PCDHB16: variants seen among roughly 807,000 people sequenced by gnomAD.
PCDHB16 encodes the protein protocadherin beta-16.
For synonymous variants in PCDHB16, 444 were observed against 436.5 expected (o/e 1.02, Z -0.21); for missense variants, 1,026 against 989.9 (o/e 1.04, Z -0.49).
rs782052675 is a variant in PCDHB16 at position 141,182,722 on chromosome 5, G to A, written c.163G>A (p.Gly55Arg). The A allele has an allele frequency of 1.9e-6, 3 of 1,611,566 alleles. No individual in the cohort carries two copies. The highest frequency in any genetic ancestry group is 2.2e-5 in the East Asian group (1 of 44,802). ...AAATCTAGGAAAAGACCTGGGGTTG[G>A]GGTTGACAGAGATGTCCACCCGCAA... is the stretch of plus-strand genomic sequence containing the variant. ...VANLGKDLGL[G>R]LTEMSTRKAR... is the part of the protein sequence containing the mutation. Residue 55 changes from glycine to arginine, a missense_variant, in exon 1 of 1, where the codon GGG becomes AGG. By Grantham distance (125) the Gly-to-Arg change is moderately radical. Coordinates refer to ENST00000609684, the MANE Select transcript of PCDHB16 (RefSeq NM_020957.4).
Position 141,185,142 on chromosome 5 carries a change from A to G in PCDHB16, c.*252A>G, listed in dbSNP as rs1238832668. On this transcript the variant is annotated 3_prime_UTR_variant, in exon 1 of 1. Transcript: ENST00000609684. ...CATATAGAATCCCAATTAACAAAATATACTTTATCTTCAAAGTTGATGTCA... is the reference window on the plus strand; with the variant it reads ...CATATAGAATCCCAATTAACAAAATGTACTTTATCTTCAAAGTTGATGTCA... 8 of 1,248,480 alleles carry G rather than the reference A, an allele frequency of 6.4e-6. No individual in the cohort carries two copies. Among genetic ancestry groups the G allele is most frequent in the Non-Finnish European group, 8.1e-6 (8 of 987,804 alleles). 77.3% of individuals were successfully genotyped at this position (1,248,480 alleles called of 1,614,324 possible). A position where few individuals can be genotyped will look rare whatever the true frequency, so the allele number is the denominator to read the frequency against.
Position 141,183,932 on chromosome 5 carries a change from T to G in PCDHB16, c.1373T>G (p.Leu458Arg). The change falls in exon 1 of 1, where the codon CTG becomes CGG. Residue 458 changes from leucine to arginine, a missense_variant. Coordinates refer to ENST00000609684, the MANE Select transcript of PCDHB16 (RefSeq NM_020957.4). ...ACTTTCACCCAAACCTCCTACACCC[T>G]GTTCGTCCGCGAGAACAACAGCCCC... The part of the protein sequence containing the change: ...APTFTQTSYT[L>R]FVRENNSPAL... 2.5e-6 allele frequency: 4 copies of G among 1,613,946 alleles called. No homozygotes were observed. The highest frequency in any genetic ancestry group is 1.7e-4 in the Middle Eastern group (1 of 6,032).
chr5:141,183,442 A>T lies in PCDHB16; in HGVS notation c.883A>T (p.Asn295Tyr), dbSNP rs782405878. ...SEDISKTLEVNPMTGEVRLRK... is the reference protein window; with the variant it reads ...SEDISKTLEVYPMTGEVRLRK... ...GGATATTAGTAAAACTTTGGAGGTAAATCCTATGACAGGGGAAGTTCGACT... is the reference window on the plus strand; with the variant it reads ...GGATATTAGTAAAACTTTGGAGGTATATCCTATGACAGGGGAAGTTCGACT... Residue 295 changes from asparagine (N) to tyrosine (Y), a missense_variant, in exon 1 of 1, where the codon AAT becomes TAT. Physicochemically the swap from Asn to Tyr is moderately radical, Grantham distance 143 (BLOSUM62 -2). Coordinates refer to ENST00000609684, the MANE Select transcript of PCDHB16 (RefSeq NM_020957.4). 3.0e-5 allele frequency: 48 copies of T among 1,614,024 alleles called. No individual in the cohort carries two copies. The Admixed American group carries it at 7.8e-4, about 26-fold the overall frequency.
chr5:141,183,345 C>T lies in PCDHB16; in HGVS notation c.786C>T (p.Ala262=), dbSNP rs1284235598. Residue 262 remains alanine, a synonymous_variant, in exon 1 of 1, where the codon GCC becomes GCT. Transcript: ENST00000609684. The part of the protein sequence containing the change: ...PENSPLGSLV[A]TVSARDLDGG... ...ACAGTCCTCTTGGCTCCCTGGTTGCCACCGTCTCCGCCAGGGATTTAGACG... is the reference window on the plus strand; with the variant it reads ...ACAGTCCTCTTGGCTCCCTGGTTGCTACCGTCTCCGCCAGGGATTTAGACG... The T allele has an allele frequency of 1.2e-6, 2 of 1,614,182 alleles. No individual in the cohort carries two copies. The highest frequency in any genetic ancestry group is 1.7e-6 in the Non-Finnish European group (2 of 1,180,044).
chr5:141,182,426 A>G lies in PCDHB16; in HGVS notation c.-134A>G. ...GGAAGCAGAAGAATAGCTGAGCCAG[A>G]GCGAACGTGAGTGTGAAACCTCTTT... is the stretch of plus-strand genomic sequence containing the variant. On this transcript the variant is annotated 5_prime_UTR_variant, in exon 1 of 1. Transcript: ENST00000609684. 2.9e-6 allele frequency: 2 copies of G among 696,820 alleles called. No individual in the cohort carries two copies. Among genetic ancestry groups the G allele is most frequent in the Non-Finnish European group, 4.5e-6 (2 of 445,684 alleles). The allele number at this position is 696,820 out of a possible 1,614,324, so 43.2% of individuals were successfully genotyped here.
chr5:141,184,033 C>T lies in PCDHB16; in HGVS notation c.1474C>T (p.Pro492Ser). The T allele has an allele frequency of 1.9e-6, 3 of 1,604,130 alleles. No homozygotes were observed. The highest frequency in any genetic ancestry group is 1.7e-5 in the Admixed American group (1 of 59,228). The change falls in exon 1 of 1, where the codon CCG becomes TCG. Residue 492 changes from proline to serine, a missense_variant. Transcript: ENST00000609684. The stretch of plus-strand genomic sequence containing the variant: ...CGCCCAGGTCACCTACTCGCTGCTG[C>T]CGCCCCAAGACCCGCACCTGCCCCT... ...TNAQVTYSLL[P>S]PQDPHLPLAS... is the part of the protein sequence containing the mutation.
At position 141,183,651 on chromosome 5, in the gene PCDHB16, A is replaced by G; in HGVS notation, c.1092A>G (p.Val364=). The G allele has an allele frequency of 1.2e-6, 2 of 1,614,188 alleles. No individual in the cohort carries two copies. Among genetic ancestry groups the G allele is most frequent in the Non-Finnish European group, 1.7e-6 (2 of 1,180,036 alleles). The change falls in exon 1 of 1, where the codon GTA becomes GTG. Residue 364 remains valine (V), a synonymous_variant. Coordinates refer to ENST00000609684, the MANE Select transcript of PCDHB16 (RefSeq NM_020957.4). The part of the protein sequence containing the change: ...SPIPENSPEI[V]VAVFSVSDPD... Reference sequence around the variant, plus strand: ...TCCCAGAGAACTCGCCTGAGATAGTAGTTGCTGTTTTCAGCGTTTCAGATC... The same window carrying G: ...TCCCAGAGAACTCGCCTGAGATAGTGGTTGCTGTTTTCAGCGTTTCAGATC...
chr5:141,183,624 C>T lies in PCDHB16; in HGVS notation c.1065C>T (p.Pro355=). 1.2e-6 allele frequency: 2 copies of T among 1,614,186 alleles called. No individual in the cohort carries two copies. The highest frequency in any genetic ancestry group is 1.7e-6 in the Non-Finnish European group (2 of 1,180,040). ...TGACCATGTCTGCACTCACCAGCCC[C>T]ATCCCAGAGAACTCGCCTGAGATAG... The part of the protein sequence containing the change: ...PQVTMSALTS[P]IPENSPEIVV... The change falls in exon 1 of 1, where the codon CCC becomes CCT. Residue 355 remains proline, a synonymous_variant. Coordinates refer to ENST00000609684, the MANE Select transcript of PCDHB16 (RefSeq NM_020957.4).
Position 141,182,778 on chromosome 5 carries a change from G to T in PCDHB16, c.219G>T (p.Gln73His). 6.2e-7 allele frequency: 1 copy of T among 1,614,080 alleles called. No homozygotes were observed. Among genetic ancestry groups the T allele is most frequent in the South Asian group, 1.1e-5 (1 of 91,086 alleles). Residue 73 changes from glutamine to histidine, a missense_variant, in exon 1 of 1, where the codon CAG (glutamine) becomes CAT (histidine). Coordinates refer to ENST00000609684, the MANE Select transcript of PCDHB16 (RefSeq NM_020957.4). ...KARIISQGNK[Q>H]HLQLKAQTGD... ...GGATCATTTCCCAGGGGAACAAACAGCATTTGCAGCTCAAGGCTCAAACTG... is the reference window on the plus strand; with the variant it reads ...GGATCATTTCCCAGGGGAACAAACATCATTTGCAGCTCAAGGCTCAAACTG...
Position 141,184,877 on chromosome 5 carries a change from A to G in PCDHB16, c.2318A>G (p.Asn773Ser), listed in dbSNP as rs781801155. ...AAGTTCCTGAAGCCGATTATCCCCA[A>G]CTTCTCTCCTTAGGGCACTAGGAAA... is the stretch of plus-strand genomic sequence containing the variant. ...EFKFLKPIIP[N>S]FSP Residue 773 changes from asparagine to serine, a missense_variant, in exon 1 of 1, where the codon AAC becomes AGC. Transcript: ENST00000609684. 9.9e-6 allele frequency: 16 copies of G among 1,613,894 alleles called. No individual in the cohort carries two copies. The highest frequency in any genetic ancestry group is 1.7e-5 in the Admixed American group (1 of 59,988).
Position 141,186,174 on chromosome 5 carries a change from C to G in PCDHB16, c.*1284C>G. ...CTTGCTTATTATATGTAAAGTTGAG[C>G]TTCTTTCTAGATATTAGGCCTTTGA... On this transcript the variant is annotated 3_prime_UTR_variant, in exon 1 of 1. Coordinates refer to ENST00000609684, the MANE Select transcript of PCDHB16 (RefSeq NM_020957.4). The G allele has an allele frequency of 1.0e-6, 1 of 993,078 alleles. No individual in the cohort carries two copies. Among genetic ancestry groups the G allele is most frequent in the Non-Finnish European group, 1.2e-6 (1 of 823,980 alleles). 61.5% of individuals were successfully genotyped at this position (993,078 alleles called of 1,614,324 possible).
chr5:141,185,744 A>C lies in PCDHB16; in HGVS notation c.*854A>C. 1.0e-6 allele frequency: 1 copy of C among 997,030 alleles called. No individual in the cohort carries two copies. The highest frequency in any genetic ancestry group is 1.2e-6 in the Non-Finnish European group (1 of 827,090). The allele number at this position is 997,030 out of a possible 1,614,324, so 61.8% of individuals were successfully genotyped here. On this transcript the variant is annotated 3_prime_UTR_variant, in exon 1 of 1. Transcript: ENST00000609684. ...ATTTTTTTGAGATGGAGTCTCGTAAAGTTACCTTTAAAAAAAAAGTTCTAT... is the reference window on the plus strand; with the variant it reads ...ATTTTTTTGAGATGGAGTCTCGTAACGTTACCTTTAAAAAAAAAGTTCTAT...
rs10060104 is a variant in PCDHB16, at chr5:141,185,019, C to T, written c.*129C>T. On this transcript the variant is annotated 3_prime_UTR_variant, in exon 1 of 1. Coordinates refer to ENST00000609684, the MANE Select transcript of PCDHB16 (RefSeq NM_020957.4). ...TCTTGTTGATTAAATTGTTCATGCT[C>T]ACCACCACCAATAAGGTATTTTTCT... 0.17 allele frequency: 245,975 copies of T among 1,459,750 alleles called. 22,108 individuals carry two copies. Among genetic ancestry groups the T allele is most frequent in the African/African-American group, 0.24 (17,050 of 70,056 alleles). 90.4% of individuals were successfully genotyped at this position (1,459,750 alleles called of 1,614,324 possible). A position where few individuals can be genotyped will look rare whatever the true frequency, so the allele number is the denominator to read the frequency against.
chr5:141,184,713 G>T lies in PCDHB16; in HGVS notation c.2154G>T (p.Arg718Ser). 1.2e-6 allele frequency: 2 copies of T among 1,612,512 alleles called. No homozygotes were observed. Among genetic ancestry groups the T allele is most frequent in the Non-Finnish European group, 1.7e-6 (2 of 1,178,876 alleles). Residue 718 changes from arginine (R) to serine (S), a missense_variant, in exon 1 of 1, where the codon AGG becomes AGT. Arg to Ser is a moderately radical substitution (Grantham distance 110). Transcript: ENST00000609684. ...CGGTGCGGCTGTGCAGGAGGAGCAG[G>T]GCGGCCTCGGTGGGCCGCTGCTCGA... ...FVAVRLCRRS[R>S]AASVGRCSMP...
Position 141,185,900 on chromosome 5 carries a change from G to C in PCDHB16, c.*1010G>C, listed in dbSNP as rs186171560. On this transcript the variant is annotated 3_prime_UTR_variant, in exon 1 of 1. Transcript: ENST00000609684. ...TAAGACATTCAGTATGTGTAAATGT[G>C]TTTGTGTTTGTAGACAAAAGGCAAA... 138 of 984,242 alleles carry C rather than the reference G, an allele frequency of 1.4e-4. No individual in the cohort carries two copies. The African/African-American group carries it at 2.1e-3, about 15-fold the overall frequency. 61.0% of individuals were successfully genotyped at this position (984,242 alleles called of 1,614,324 possible).
Position 141,183,264 on chromosome 5 carries a change from C to G in PCDHB16, c.705C>G (p.Ile235Met). ...TAQVRIEVVD[I>M]NDNAPEFEQP... ...AGGTCCGTATTGAAGTGGTGGACAT[C>G]AATGATAACGCTCCTGAGTTTGAGC... Residue 235 changes from isoleucine (I) to methionine (M), a missense_variant, in exon 1 of 1, where the codon ATC becomes ATG. Ile to Met is a conservative substitution (Grantham distance 10). Transcript: ENST00000609684. 1 of 1,614,170 alleles carries G rather than the reference C, an allele frequency of 6.2e-7. No individual in the cohort carries two copies. The highest frequency in any genetic ancestry group is 8.5e-7 in the Non-Finnish European group (1 of 1,180,040).
Position 141,183,281 on chromosome 5 carries a change from A to G in PCDHB16, c.722A>G (p.Glu241Gly), listed in dbSNP as rs1025993595. 8 of 1,614,032 alleles carry G rather than the reference A, an allele frequency of 5.0e-6. No individual in the cohort carries two copies. The African/African-American group carries it at 5.3e-5, about 11-fold the overall frequency. Residue 241 changes from glutamate to glycine, a missense_variant, in exon 1 of 1, where the codon GAG becomes GGG. Coordinates refer to ENST00000609684, the MANE Select transcript of PCDHB16 (RefSeq NM_020957.4). Reference protein sequence around the residue: ...EVVDINDNAPEFEQPIYKVQI... With the variant: ...EVVDINDNAPGFEQPIYKVQI... ...GTGGACATCAATGATAACGCTCCTG[A>G]GTTTGAGCAGCCCATCTACAAAGTG...
chr5:141,185,175 T>A lies in PCDHB16; in HGVS notation c.*285T>A. Reference sequence around the variant, plus strand: ...TCTTCAAAGTTGATGTCATTTAAAATTTTTCCGTCTTTATATTTTATTTAC... The same window carrying A: ...TCTTCAAAGTTGATGTCATTTAAAAATTTTCCGTCTTTATATTTTATTTAC... On this transcript the variant is annotated 3_prime_UTR_variant, in exon 1 of 1. Coordinates refer to ENST00000609684, the MANE Select transcript of PCDHB16 (RefSeq NM_020957.4). The A allele has an allele frequency of 3.5e-6, 4 of 1,134,976 alleles. No homozygotes were observed. Among genetic ancestry groups the A allele is most frequent in the Non-Finnish European group, 3.3e-6 (3 of 914,262 alleles). 70.3% of individuals were successfully genotyped at this position (1,134,976 alleles called of 1,614,324 possible). A position where few individuals can be genotyped will look rare whatever the true frequency, so the allele number is the denominator to read the frequency against.
rs1410724624 is a variant in PCDHB16 at position 141,184,581 on chromosome 5, A to T, written c.2022A>T (p.Pro674=). 7 of 1,612,404 alleles carry T rather than the reference A, an allele frequency of 4.3e-6. No individual in the cohort carries two copies. The highest frequency in any genetic ancestry group is 4.2e-6 in the Non-Finnish European group (5 of 1,179,786). The part of the protein sequence containing the change: ...DGFSQPFLPL[P]EAAPGQTQAN... ...TCTCCCAGCCCTTCCTGCCGCTCCCAGAGGCGGCCCCCGGCCAGACCCAGG... is the reference window on the plus strand; with the variant it reads ...TCTCCCAGCCCTTCCTGCCGCTCCCTGAGGCGGCCCCCGGCCAGACCCAGG... Residue 674 remains proline, a synonymous_variant, in exon 1 of 1, where the codon CCA becomes CCT. Coordinates refer to ENST00000609684, the MANE Select transcript of PCDHB16 (RefSeq NM_020957.4).
Sources: gnomAD v4.1 joint callset for allele counts on GRCh38, gnomAD v4.1.1 for gene constraint, MANE v1.5 for transcripts, NCBI Gene and HGNC (gene_info 2026-07-23, HGNC 2026-07-21) for gene names.